Variants in SH3PXD2B observed in about 807,000 individuals in gnomAD.
The protein encoded by SH3PXD2B is SH3 and PX domains 2B.
SH3PXD2B carries 37 observed loss-of-function variants against 73.1 expected under a neutral mutation model. The observed-to-expected ratio is 0.51, with a 90% confidence interval of 0.39 to 0.67. The LOEUF (loss-of-function observed/expected upper bound fraction) is 0.67, where lower values mean the gene tolerates loss of function less well. SH3PXD2B is among the 30% of genes least tolerant of loss of function. The pLI is 0.00. For synonymous variants in SH3PXD2B, 457 were observed against 480.5 expected, an observed-to-expected ratio of 0.95 and a Z score of 0.64; for missense variants, 1,053 against 1,197.8, an observed-to-expected ratio of 0.88 and a Z score of 1.78.
chr5:172,363,866 A>G lies in SH3PXD2B; in HGVS notation c.428-997T>C, dbSNP rs575442851. Among the ~76,000 whole-genome samples the G allele has an allele frequency of 5.3e-5, 8 of 152,328 alleles. No individual in the cohort carries two copies. The East Asian group carries it at 1.3e-3, about 26-fold the overall frequency. On this transcript the variant is annotated intron_variant, in intron 6 of 12. Transcript: ENST00000311601. The stretch of plus-strand genomic sequence containing the variant: ...TTAAGGGCTTTGAGAAAGGAATGAC[A>G]AGAGTTACATCTTTAAAAAGATAAT...
chr5:172,390,116 T>C (rs1758147674), intron 4 of SH3PXD2B, among the ~76,000 whole-genome samples: 1 of 152,166 alleles, frequency 6.6e-6, no homozygotes, highest in African/African-American at 2.4e-5. Context: ...AATTACAGAG[T>C]TGTGCAGCAA....
At chr5:172,418,330 C>A (rs1758873630) in intron 2 of SH3PXD2B, among the ~76,000 whole-genome samples, 1 of 152,210 alleles carries the variant, frequency 6.6e-6, no homozygotes, top group Non-Finnish European at 1.5e-5. Context: ...CCCATGTCAC[C>A]AATGAGGGCT....
chr5:172,387,140 T>TATGGACCCAAACATA (rs1758077960), intron 4 of SH3PXD2B, among the ~76,000 whole-genome samples: 3 of 152,172 alleles, frequency 2.0e-5, no homozygotes, highest in Admixed American at 6.5e-5. Flanking sequence ...GCCTGGTAAA[T>TATGGACCCAAACATA]ACTACTGTTA....
At chr5:172,385,155 T>G (rs951468370) in intron 4 of SH3PXD2B, among the ~76,000 whole-genome samples, 1 of 152,122 alleles carries the variant, frequency 6.6e-6, no homozygotes, top group African/African-American at 2.4e-5. Flanking sequence ...CCCCTCCCCA[T>G]GGGCCTCTTT....
chr5:172,417,915 C>T (rs750958810), intron 2 of SH3PXD2B, among the ~76,000 whole-genome samples: 6 of 152,170 alleles, frequency 3.9e-5, no homozygotes, highest in Non-Finnish European at 7.3e-5. Flanking sequence ...TTCATCACCC[C>T]GAAAAGGTAC....
At chr5:172,414,173 A>C (rs1411241102) in intron 2 of SH3PXD2B, among the ~76,000 whole-genome samples, 1 of 152,202 alleles carries the variant, frequency 6.6e-6, no homozygotes, top group African/African-American at 2.4e-5. Context: ...GGGTCTTAGA[A>C]GGAGACAGGT....
chr5:172,432,002 C>T (rs1428703039), intron 1 of SH3PXD2B, among the ~76,000 whole-genome samples: 1 of 151,962 alleles, frequency 6.6e-6, no homozygotes. Context: ...CATGGTGAAA[C>T]CCCATCTCTA....
At chr5:172,423,548 G>C (rs5020260) in intron 1 of SH3PXD2B, among the ~76,000 whole-genome samples, 18 of 120,336 alleles carry the variant, frequency 1.5e-4, no homozygotes, top group East Asian at 7.7e-4. Flanking sequence ...ACGGGGTTGG[G>C]GGGGGGGGCG....
In SH3PXD2B at chr5:172,333,612, C is replaced by A; in HGVS notation, c.*4757G>T. ...CACATGCTACAGCTAGTTGTTCTCACCCCTCCCCTCACATCCTATATACTC... is the reference window on the plus strand; with the variant it reads ...CACATGCTACAGCTAGTTGTTCTCAACCCTCCCCTCACATCCTATATACTC... On this transcript the variant is annotated 3_prime_UTR_variant, in exon 13 of 13. Coordinates refer to ENST00000311601, the MANE Select transcript of SH3PXD2B (RefSeq NM_001017995.3). 7.8e-7 allele frequency: 1 copy of A among 1,284,308 alleles called. No individual in the cohort carries two copies. The highest frequency in any genetic ancestry group is 1.0e-6 in the Non-Finnish European group (1 of 987,328). 79.6% of individuals were successfully genotyped at this position (1,284,308 alleles called of 1,614,324 possible). A position where few individuals can be genotyped will look rare whatever the true frequency, so the allele number is the denominator to read the frequency against.
intron 6 of SH3PXD2B, among the ~76,000 whole-genome samples, chr5:172,370,300 G>A (rs1757671440): frequency 6.6e-6 from 1 of 152,216 alleles, no homozygotes. Flanking sequence ...TTGCCACCCA[G>A]TTTTAACACC....
rs144401511 is a variant in SH3PXD2B at position 172,382,749 on chromosome 5, G to A, written c.310-622C>T. On this transcript the variant is annotated intron_variant, in intron 4 of 12. Transcript: ENST00000311601. Reference sequence around the variant, plus strand: ...CATTATTCTTATTTATTTATGTTGAGACAGGATCTTGCTCTGTCACTCAGG... The same window carrying A: ...CATTATTCTTATTTATTTATGTTGAAACAGGATCTTGCTCTGTCACTCAGG... Among the ~76,000 whole-genome samples, 308 of 152,174 alleles carry A rather than the reference G, an allele frequency of 2.0e-3. 2 individuals are homozygous for A. The highest frequency in any genetic ancestry group is 7.0e-3 in the African/African-American group (290 of 41,514).
At chr5:172,351,795 T>C (rs1375982635) in intron 9 of SH3PXD2B, among the ~76,000 whole-genome samples, 1 of 152,020 alleles carries the variant, frequency 6.6e-6, no homozygotes, top group East Asian at 1.9e-4. Context: ...AAAAGGTCTC[T>C]CTTGACTGGA....
rs1758254485 is a variant in SH3PXD2B, at chr5:172,394,598, C to T, written c.274G>A (p.Val92Ile). The T allele has an allele frequency of 1.9e-6, 3 of 1,614,154 alleles. No individual in the cohort carries two copies. The highest frequency in any genetic ancestry group is 2.5e-6 in the Non-Finnish European group (3 of 1,180,016). ...TCATCAATTGGTATCAGGCGTTTGA[C>T]AGCCACGTCCCGGATGTGGCTTCGT... is the stretch of plus-strand genomic sequence containing the variant. ...FRRSHIRDVAVKRLIPIDEYC... is the reference protein window; with the variant it reads ...FRRSHIRDVAIKRLIPIDEYC... The change falls in exon 4 of 13, where the codon GTC becomes ATC. Residue 92 changes from valine (V) to isoleucine (I), a missense_variant. Physicochemically the swap from Val to Ile is conservative, Grantham distance 29. Transcript: ENST00000311601.
At position 172,337,158 on chromosome 5, in the gene SH3PXD2B, G is replaced by A; in HGVS notation, c.*1211C>T. On this transcript the variant is annotated 3_prime_UTR_variant, in exon 13 of 13. Transcript: ENST00000311601. The stretch of plus-strand genomic sequence containing the variant: ...GGCATTCTCCTGTCATGGAGATGCA[G>A]CTGTTGAGTCCAGGGCAGCCTTTGG... The A allele has an allele frequency of 1.0e-6, 1 of 985,532 alleles. No individual in the cohort carries two copies. The highest frequency in any genetic ancestry group is 1.2e-6 in the Non-Finnish European group (1 of 829,994). 61.0% of individuals were successfully genotyped at this position (985,532 alleles called of 1,614,324 possible). A position where few individuals can be genotyped will look rare whatever the true frequency, so the allele number is the denominator to read the frequency against.
rs552549511 is a variant in SH3PXD2B, at chr5:172,421,945, T to C, written c.156+471A>G. Among the ~76,000 whole-genome samples, 10 of 152,254 alleles carry C rather than the reference T, an allele frequency of 6.6e-5. No individual in the cohort carries two copies. In the South Asian group the frequency reaches 1.9e-3, roughly 28 times the overall value. ...TCTCTTATGGAGGAAATATGAAATA[T>C]CAAAGCATAAAGCAACAAAGCACAT... is the stretch of plus-strand genomic sequence containing the variant. On this transcript the variant is annotated intron_variant, in intron 2 of 12. Coordinates refer to ENST00000311601, the MANE Select transcript of SH3PXD2B (RefSeq NM_001017995.3). The surrounding 1 kb of genome is among the most constrained non-coding windows in gnomAD (Gnocchi z 4.0).
chr5:172,338,507 G>A lies in SH3PXD2B; in HGVS notation c.2598C>T (p.Asp866=). The A allele has an allele frequency of 6.2e-7, 1 of 1,614,212 alleles. No homozygotes were observed. The highest frequency in any genetic ancestry group is 8.5e-7 in the Non-Finnish European group (1 of 1,180,050). The stretch of plus-strand genomic sequence containing the variant: ...CTGTCCCTTCCTGGAAGCTGCTGGT[G>A]TCTTTGTCTCCTTCAAAGTCGGCCA... The part of the protein sequence containing the change: ...VAVADFEGDK[D]TSSFQEGTVF... The change falls in exon 13 of 13, where the codon GAC becomes GAT. Residue 866 remains aspartate (D), a synonymous_variant. Coordinates refer to ENST00000311601, the MANE Select transcript of SH3PXD2B (RefSeq NM_001017995.3). This position sits in a 1 kb window ranked among gnomAD's most constrained non-coding sequence, Gnocchi z 5.1.
Position 172,344,588 on chromosome 5 carries a change from C to CAAA in SH3PXD2B, c.1188+1545_1188+1547dup, listed in dbSNP as rs756550290. Among the ~76,000 whole-genome samples the CAAA allele has an allele frequency of 4.1e-3, 103 of 25,228 alleles. 20 individuals are homozygous for CAAA. Among genetic ancestry groups the CAAA allele is most frequent in the African/African-American group, 0.016 (93 of 5,852 alleles). 16.6% of individuals were successfully genotyped at this position (25,228 alleles called of 152,430 possible). The stretch of plus-strand genomic sequence containing the variant: ...GGGCAACAGAGGAGCGAGGCTCTGT[C>CAAA]AAAAAAAAAAAAAAAAAAAAAAAAA... On this transcript the variant is annotated intron_variant, in intron 12 of 12. Transcript: ENST00000311601.
chr5:172,416,094 G>A (rs140654985), intron 2 of SH3PXD2B, among the ~76,000 whole-genome samples: 6,508 of 152,248 alleles, frequency 0.043, 179 homozygotes, highest in African/African-American at 0.072. Context: ...TTGGGAGGCC[G>A]AGGTGGGTGG....
chr5:172,374,683 T>TG (rs1353759590), intron 5 of SH3PXD2B, among the ~76,000 whole-genome samples: 1 of 151,922 alleles, frequency 6.6e-6, no homozygotes, highest in African/African-American at 2.4e-5. Context: ...TCCATCTTGG[T>TG]GGGGGGAGTG....
Sources: allele counts gnomAD v4.1 joint callset (sites outside exome capture counted in the v4.1 genomes callset), GRCh38; gene constraint gnomAD v4.1.1; non-coding constraint Gnocchi (gnomAD v3.1); transcripts MANE v1.5; gene names NCBI Gene and HGNC (gene_info 2026-07-23, HGNC 2026-07-21).